Variants in RPS6KC1 observed in about 807,000 individuals in gnomAD.
RPS6KC1 encodes inactive ribosomal protein S6 kinase delta-1.
A neutral mutation model predicts 103.8 loss-of-function variants in RPS6KC1; 54 were observed. The observed-to-expected ratio is 0.52, with a 90% confidence interval of 0.42 to 0.65. The LOEUF (loss-of-function observed/expected upper bound fraction) is 0.65. RPS6KC1 is among the 30% of genes least tolerant of loss of function. The pLI is 0.00. For missense variants in RPS6KC1, 1,151 were observed against 1,253.8 expected, an observed-to-expected ratio of 0.92 and a Z score of 1.24; for synonymous variants, 439 against 438.7, an observed-to-expected ratio of 1.00 and a Z score of -0.01.
the RPS6KC1 span, among the ~76,000 whole-genome samples, chr1:213,857,316 A>G: frequency 1.3e-5 from 2 of 152,212 alleles, no homozygotes; most frequent in African/African-American, 4.8e-5. Context: ...ATGAAAAACT[A>G]GTAGATAATA....
chr1:213,792,966 T>G, the RPS6KC1 span, among the ~76,000 whole-genome samples: 3 of 152,106 alleles, frequency 2.0e-5, no homozygotes, highest in Non-Finnish European at 2.9e-5. Context: ...CTTAATGGAC[T>G]TGGTTGTCAT....
chr1:213,443,695 TGCTTGAGCCTAG>T, the RPS6KC1 span, among the ~76,000 whole-genome samples: 3 of 151,940 alleles, frequency 2.0e-5, no homozygotes, highest in Non-Finnish European at 4.4e-5. Context: ...GTGGGCAGAT[TGCTTGAGCCTAG>T]GAGTTTGCAA....
chr1:213,281,070 A>G, the RPS6KC1 span, among the ~76,000 whole-genome samples: 6 of 152,056 alleles, frequency 3.9e-5, no homozygotes, highest in Admixed American at 1.3e-4. Flanking sequence ...GGCACACTCA[A>G]GTGTTTCTGG....
intron 12 of RPS6KC1, among the ~76,000 whole-genome samples, chr1:213,243,988 C>T (rs1287823735): frequency 1.3e-5 from 2 of 152,106 alleles, no homozygotes; most frequent in East Asian, 1.9e-4. Flanking sequence ...TATCCTAAAA[C>T]GTTCCTGAAA....
the RPS6KC1 span, among the ~76,000 whole-genome samples, chr1:213,490,535 G>C: frequency 6.6e-6 from 1 of 152,054 alleles, no homozygotes; most frequent in Non-Finnish European, 1.5e-5. Flanking sequence ...CCTGGGTGTC[G>C]GACAATGGTT....
the RPS6KC1 span, among the ~76,000 whole-genome samples, chr1:213,558,037 C>A: frequency 3.9e-5 from 6 of 152,190 alleles, no homozygotes; most frequent in African/African-American, 1.2e-4. Flanking sequence ...CTACATCCTT[C>A]CATGTTACAC....
chr1:213,484,903 C>T, the RPS6KC1 span, among the ~76,000 whole-genome samples: 2 of 152,146 alleles, frequency 1.3e-5, no homozygotes, highest in Non-Finnish European at 2.9e-5. Context: ...TATTCTGTGA[C>T]CCAGGCTGGA....
chr1:213,272,432 G>A (rs2095066815), intron 14 of RPS6KC1, 92 bp from the exon 15 acceptor site: 1 of 949,958 alleles, frequency 1.1e-6, no homozygotes, highest in African/African-American at 1.6e-5. Flanking sequence ...TGTTACCAGG[G>A]TTGAATTTAG....
chr1:213,628,258 G>A, the RPS6KC1 span, among the ~76,000 whole-genome samples: 10 of 152,150 alleles, frequency 6.6e-5, no homozygotes, highest in South Asian at 4.2e-4. Flanking sequence ...CTGTGGGATC[G>A]GAGGTGATGT....
At chr1:213,488,334 T>C in the RPS6KC1 span, among the ~76,000 whole-genome samples, 4 of 152,230 alleles carry the variant, frequency 2.6e-5, no homozygotes, top group African/African-American at 9.6e-5. Flanking sequence ...TAAACTGTTA[T>C]GGGAACACAG....
chr1:213,376,190 A>C, the RPS6KC1 span, among the ~76,000 whole-genome samples: 1 of 151,978 alleles, frequency 6.6e-6, no homozygotes, highest in South Asian at 2.1e-4. Flanking sequence ...CAGACAAAAC[A>C]ATATCTAGTA....
In RPS6KC1 at chr1:213,142,492, C is replaced by T. The variant is rs192373226; in HGVS notation, c.835+12603C>T. On this transcript the variant is annotated intron_variant, in intron 6 of 14. Coordinates refer to ENST00000366960, the MANE Select transcript of RPS6KC1 (RefSeq NM_012424.6). Reference sequence around the variant, plus strand: ...TTCTTTCTCATCTGTGTGGGCTGATCTTCCTTTAACTGTGGTGTAATTTGA... The same window carrying T: ...TTCTTTCTCATCTGTGTGGGCTGATTTTCCTTTAACTGTGGTGTAATTTGA... Among the ~76,000 whole-genome samples the T allele has an allele frequency of 1.5e-3, 233 of 152,182 alleles. 1 individual carries two copies. The highest frequency in any genetic ancestry group is 2.0e-3 in the Non-Finnish European group (139 of 68,022).
intron 8 of RPS6KC1, among the ~76,000 whole-genome samples, chr1:213,229,449 T>C (rs1222954834): frequency 6.6e-6 from 1 of 152,188 alleles, no homozygotes; most frequent in Non-Finnish European, 1.5e-5. Context: ...ATTTCTGTAG[T>C]ACAAATCCTC....
At chr1:213,701,910 TC>T in the RPS6KC1 span, among the ~76,000 whole-genome samples, 2,493 of 152,146 alleles carry the variant, frequency 0.016, 48 homozygotes, top group African/African-American at 0.046. Context: ...CATTTCAATT[TC>T]ATTTATTTCT....
chr1:213,449,110 C>G, the RPS6KC1 span, among the ~76,000 whole-genome samples: 1 of 152,166 alleles, frequency 6.6e-6, no homozygotes, highest in Non-Finnish European at 1.5e-5. Context: ...TTTAAATCAG[C>G]CTTCAGGCCA....
chr1:213,225,845 C>G (rs1218858454), intron 8 of RPS6KC1, among the ~76,000 whole-genome samples: 1 of 151,922 alleles, frequency 6.6e-6, no homozygotes, highest in Non-Finnish European at 1.5e-5. Flanking sequence ...GCTTCCATGC[C>G]TTTTACCTAG....
chr1:213,366,123 A>G, the RPS6KC1 span, among the ~76,000 whole-genome samples: 1 of 152,230 alleles, frequency 6.6e-6, no homozygotes, highest in Non-Finnish European at 1.5e-5. Flanking sequence ...CTGCTTGTCC[A>G]TCTCGCATTA....
At chr1:213,162,712 A>G (rs2090600640) in intron 6 of RPS6KC1, among the ~76,000 whole-genome samples, 1 of 152,232 alleles carries the variant, frequency 6.6e-6, no homozygotes, top group Non-Finnish European at 1.5e-5. Flanking sequence ...TAGGTATTTA[A>G]CACTCTATGA....
the RPS6KC1 span, among the ~76,000 whole-genome samples, chr1:213,304,205 C>CAAAAAAAAAAAA: frequency 1.4e-5 from 1 of 70,534 alleles, no homozygotes; most frequent in Non-Finnish European, 3.0e-5. Flanking sequence ...GACTCCATCT[C>CAAAAAAAAAAAA]AAAAAAAAAA....
Sources: allele counts gnomAD v4.1 joint callset (sites outside exome capture counted in the v4.1 genomes callset), GRCh38; gene constraint gnomAD v4.1.1; transcripts MANE v1.5; gene names NCBI Gene and HGNC (gene_info 2026-07-23, HGNC 2026-07-21).